The following PARD3B variants were observed in gnomAD, a reference collection of about 807,000 sequenced individuals.
PARD3B encodes the protein par-3 family cell polarity regulator beta.
In PARD3B, 103 loss-of-function variants were observed where a neutral mutation model predicts 130.2. That is an observed-to-expected ratio of 0.79 (90% CI 0.67 to 0.93). The LOEUF (loss-of-function observed/expected upper bound fraction) is 0.93, where lower values mean the gene tolerates loss of function less well. Ranked by LOEUF, PARD3B falls within the 40% of genes least tolerant of loss-of-function variation. PARD3B has a pLI of 0.00. For missense variants in PARD3B, 1,609 were observed against 1,499.2 expected (o/e 1.07, Z -1.21); for synonymous variants, 583 against 553.2 (o/e 1.05, Z -0.76).
intron 10 of PARD3B, among the ~76,000 whole-genome samples, chr2:205,134,618 T>A (rs1344271601): frequency 6.6e-6 from 1 of 152,216 alleles, no homozygotes; most frequent in African/African-American, 2.4e-5. Context: ...GCTCAGAGAC[T>A]GGGTCCTTAA....
At chr2:205,106,262 C>T (rs918226827) in intron 5 of PARD3B, among the ~76,000 whole-genome samples, 12 of 152,180 alleles carry the variant, frequency 7.9e-5, no homozygotes, top group Middle Eastern at 3.4e-3. Flanking sequence ...ATTCTCCTGC[C>T]TCAGCCTCCC....
chr2:204,734,703 A>T lies in PARD3B; in HGVS notation c.222+48421A>T, dbSNP rs1352248631. ...TTAAATGAAATTCTTAAAGAGCAAA[A>T]CTGTAATGATACAAATTAGATCAGT... On this transcript the variant is annotated intron_variant, in intron 2 of 22. Transcript: ENST00000406610. Among the ~76,000 whole-genome samples the T allele has an allele frequency of 2.0e-5, 3 of 152,298 alleles. No homozygotes were observed. In the East Asian group the frequency reaches 5.8e-4, roughly 29 times the overall value.
In PARD3B at chr2:204,572,696, A is replaced by G. The variant is rs964114206; in HGVS notation, c.120+26577A>G. Among the ~76,000 whole-genome samples the G allele has an allele frequency of 4.6e-5, 7 of 152,320 alleles. No homozygotes were observed. The East Asian group carries it at 1.4e-3, about 29-fold the overall frequency. On this transcript the variant is annotated intron_variant, in intron 1 of 22. Transcript: ENST00000406610. ...TTAAGGAACTGAGCTTAGTAGGTAA[A>G]TACTCTAGACAGCTGTGTAAATTTT...
chr2:205,582,757 C>T (rs1299844317), intron 22 of PARD3B, among the ~76,000 whole-genome samples: 3 of 151,348 alleles, frequency 2.0e-5, no homozygotes, highest in South Asian at 2.1e-4. Flanking sequence ...GCATTGCCTC[C>T]GATAAAAGTA....
At chr2:205,323,706 G>T (rs967726831) in intron 18 of PARD3B, among the ~76,000 whole-genome samples, 1 of 152,146 alleles carries the variant, frequency 6.6e-6, no homozygotes, top group Non-Finnish European at 1.5e-5. Flanking sequence ...GAGTAAAAAT[G>T]TAACCCTCTG....
At chr2:205,223,151 C>T (rs927553034) in intron 15 of PARD3B, among the ~76,000 whole-genome samples, 1 of 151,604 alleles carries the variant, frequency 6.6e-6, no homozygotes, top group Non-Finnish European at 1.5e-5. Context: ...GAGATAAACA[C>T]AAATGAGAAA....
intron 6 of PARD3B, 82 bp from the exon 7 acceptor site, chr2:205,118,839 G>T: frequency 1.0e-6 from 1 of 972,654 alleles, no homozygotes; most frequent in Non-Finnish European, 1.5e-6. Flanking sequence ...AAATCAATAT[G>T]TATTTCTGAA....
At chr2:204,880,330 TAGAG>T (rs2045992197) in intron 2 of PARD3B, among the ~76,000 whole-genome samples, 1 of 152,070 alleles carries the variant, frequency 6.6e-6, no homozygotes, top group African/African-American at 2.4e-5. Context: ...CATACATATA[TAGAG>T]AGAGAGCATG....
intron 22 of PARD3B, among the ~76,000 whole-genome samples, chr2:205,579,973 G>A (rs901474741): frequency 8.5e-5 from 13 of 152,070 alleles, no homozygotes; most frequent in African/African-American, 2.4e-4. Flanking sequence ...TTTAAGTAAC[G>A]GGGGAATAAA....
At chr2:205,400,456 C>T (rs550714108) in intron 18 of PARD3B, among the ~76,000 whole-genome samples, 67 of 152,036 alleles carry the variant, frequency 4.4e-4, no homozygotes, top group Non-Finnish European at 8.7e-4. Context: ...GTCTCGCCAA[C>T]GTGGTGAAAC....
Position 205,395,010 on chromosome 2 carries a change from A to G in PARD3B, c.2631-6003A>G, listed in dbSNP as rs1309704788. On this transcript the variant is annotated intron_variant, in intron 18 of 22. Transcript: ENST00000406610. ...AAATGGTAAATTTTATGTTACGTATATTTTACCTTAATAAAGAGGGAAAAG... is the reference window on the plus strand; with the variant it reads ...AAATGGTAAATTTTATGTTACGTATGTTTTACCTTAATAAAGAGGGAAAAG... Among the ~76,000 whole-genome samples, 5 of 152,290 alleles carry G rather than the reference A, an allele frequency of 3.3e-5. No individual in the cohort carries two copies. In the East Asian group the frequency reaches 9.6e-4, roughly 29 times the overall value.
intron 11 of PARD3B, among the ~76,000 whole-genome samples, chr2:205,162,547 A>G (rs540510151): frequency 2.6e-5 from 4 of 152,384 alleles, no homozygotes; most frequent in Non-Finnish European, 5.9e-5. Flanking sequence ...CCTGACATAC[A>G]GTGTAGTTGC....
At chr2:205,451,677 T>C (rs904244569) in intron 20 of PARD3B, among the ~76,000 whole-genome samples, 4 of 145,626 alleles carry the variant, frequency 2.7e-5, no homozygotes, top group African/African-American at 5.4e-5. Context: ...ATTTTTGTGA[T>C]TATGTAATAG....
In PARD3B at chr2:204,559,071, C is replaced by T. The variant is rs527607842; in HGVS notation, c.120+12952C>T. 3.3e-5 allele frequency among the ~76,000 whole-genome samples: 5 copies of T among 152,290 alleles called. No homozygotes were observed. The South Asian group carries it at 6.2e-4, about 19-fold the overall frequency. ...ATGGATTAAAGACTTAAATGTTAGA[C>T]CTAAAACCATGAAAACCGTAGAAGA... On this transcript the variant is annotated intron_variant, in intron 1 of 22. Transcript: ENST00000406610.
chr2:204,939,253 C>A (rs1688704845), intron 2 of PARD3B, among the ~76,000 whole-genome samples: 1 of 152,144 alleles, frequency 6.6e-6, no homozygotes, highest in Non-Finnish European at 1.5e-5. Context: ...TTAGTTATCA[C>A]CCCCACCTCA....
chr2:205,112,641 G>C lies in PARD3B; in HGVS notation c.594-850G>C, dbSNP rs1025413116. ...TTATATTTTCTCTGTGGGATTAACG[G>C]AGCCAGTAATTGTTCACAGTTATTA... On this transcript the variant is annotated intron_variant, in intron 5 of 22. Coordinates refer to ENST00000406610, the MANE Select transcript of PARD3B (RefSeq NM_001302769.2). 2.6e-5 allele frequency among the ~76,000 whole-genome samples: 4 copies of C among 151,892 alleles called. No homozygotes were observed. In the East Asian group the frequency reaches 7.7e-4, roughly 29 times the overall value.
In PARD3B at chr2:205,513,415, G is replaced by GGAAA. The variant is rs139554002; in HGVS notation, c.3180+13388_3180+13391dup. Among the ~76,000 whole-genome samples, 867 of 152,030 alleles carry GGAAA rather than the reference G, an allele frequency of 5.7e-3. 5 individuals carry two copies. The highest frequency in any genetic ancestry group is 0.02 in the African/African-American group (817 of 41,496). On this transcript the variant is annotated intron_variant, in intron 21 of 22. Transcript: ENST00000406610. ...GCGGGGAACAGATGACAGGCAAACA[G>GGAAA]GAAAGAACTGACATTTTTTATCAAG...
intron 16 of PARD3B, among the ~76,000 whole-genome samples, chr2:205,264,923 G>T (rs1026078801): frequency 6.6e-6 from 1 of 150,786 alleles, no homozygotes; most frequent in Admixed American, 6.6e-5. Context: ...TTTATCTATT[G>T]TAAACTGGTG....
At chr2:204,699,543 C>T (rs987343158) in intron 2 of PARD3B, among the ~76,000 whole-genome samples, 1 of 151,952 alleles carries the variant, frequency 6.6e-6, no homozygotes, top group African/African-American at 2.4e-5. Context: ...TTTGTAAGAA[C>T]ACTGTAGAAG....
Sources: gnomAD v4.1 joint callset for allele counts (sites outside exome capture counted in the v4.1 genomes callset) on GRCh38, gnomAD v4.1.1 for gene constraint, MANE v1.5 for transcripts, NCBI Gene and HGNC (gene_info 2026-07-23, HGNC 2026-07-21) for gene names.